LARGE1: variants seen among roughly 807,000 people sequenced by gnomAD.
LARGE1 encodes LARGE xylosyl- and glucuronyltransferase 1, also known as xylosyl- and glucuronyltransferase LARGE1.
LARGE1 carries 43 observed loss-of-function variants against 87.6 expected under a neutral mutation model. The ratio of observed to expected loss-of-function variants is 0.49; its 90% CI spans 0.38 to 0.63. LARGE1 has a LOEUF of 0.63. Ranked by LOEUF, LARGE1 falls within the 30% of genes least tolerant of loss-of-function variation. LARGE1 has a pLI of 0.00. For missense variants in LARGE1, 802 were observed against 1,000.2 expected (o/e 0.80, Z 2.67); for synonymous variants, 434 against 394.6 (o/e 1.10, Z -1.18).
chr22:33,388,386 T>G (rs2065401294), intron 7 of LARGE1, among the ~76,000 whole-genome samples: 2 of 152,222 alleles, frequency 1.3e-5, no homozygotes, highest in Non-Finnish European at 2.9e-5. Context: ...CTACTCCATC[T>G]TCCATTTCTC....
At chr22:33,428,855 G>A (rs1488090117) in intron 7 of LARGE1, among the ~76,000 whole-genome samples, 6 of 149,390 alleles carry the variant, frequency 4.0e-5, no homozygotes, top group African/African-American at 1.2e-4. Flanking sequence ...GCGTGAACCC[G>A]GGAGGCAGAG....
intron 2 of LARGE1, among the ~76,000 whole-genome samples, chr22:33,669,598 T>C (rs2081352466): frequency 6.6e-6 from 1 of 152,174 alleles, no homozygotes; most frequent in Non-Finnish European, 1.5e-5. Flanking sequence ...GAAACAGAAA[T>C]ACCTGCTAGC....
At chr22:33,639,222 G>A (rs1486552944) in intron 3 of LARGE1, among the ~76,000 whole-genome samples, 1 of 152,172 alleles carries the variant, frequency 6.6e-6, no homozygotes, top group Non-Finnish European at 1.5e-5. Context: ...GAGACCACAT[G>A]AGGACCTGAG....
At chr22:33,407,868 G>A (rs969997573) in intron 7 of LARGE1, among the ~76,000 whole-genome samples, 2 of 152,022 alleles carry the variant, frequency 1.3e-5, no homozygotes, top group Non-Finnish European at 2.9e-5. Flanking sequence ...TAAATAATAA[G>A]CAGAGAGACA....
intron 12 of LARGE1, among the ~76,000 whole-genome samples, chr22:33,292,887 T>C (rs1201718832): frequency 6.6e-6 from 1 of 152,304 alleles, no homozygotes; most frequent in East Asian, 1.9e-4. Context: ...TTCCTTATCT[T>C]GATAATAATA....
At chr22:33,382,136 G>A in intron 8 of LARGE1, 92 bp from the exon 9 acceptor site, 1 of 1,544,762 alleles carries the variant, frequency 6.5e-7, no homozygotes, top group Non-Finnish European at 8.8e-7. Context: ...CTGTGATAGG[G>A]CTTCTCTTGA....
chr22:33,856,726 G>A (rs890985235), intron 1 of LARGE1: 2 of 152,280 alleles, frequency 1.3e-5, no homozygotes, highest in East Asian at 1.9e-4. Flanking sequence ...CTTTGAAAAC[G>A]CTACACATCT....
intron 10 of LARGE1, among the ~76,000 whole-genome samples, chr22:33,330,926 G>C (rs79565420): frequency 0.028 from 4,337 of 152,264 alleles, 92 homozygotes; most frequent in Middle Eastern, 0.085. Context: ...GGGGATACTG[G>C]GGATTGTTTG....
intron 10 of LARGE1, among the ~76,000 whole-genome samples, chr22:33,332,046 C>T (rs1312734043): frequency 2.0e-5 from 3 of 152,004 alleles, no homozygotes; most frequent in African/African-American, 4.8e-5. Flanking sequence ...CTGCAAGAGC[C>T]GAGCTTTAAT....
chr22:33,597,838 C>A (rs2079019312), intron 5 of LARGE1, among the ~76,000 whole-genome samples: 1 of 152,094 alleles, frequency 6.6e-6, no homozygotes, highest in Non-Finnish European at 1.5e-5. Context: ...ACATGTAGGG[C>A]CTTGTCTGAA....
intron 1 of LARGE1, among the ~76,000 whole-genome samples, chr22:33,801,110 T>G (rs922008889): frequency 1.1e-4 from 16 of 152,198 alleles, no homozygotes; most frequent in African/African-American, 3.6e-4. Flanking sequence ...CCGCTTTTGC[T>G]TCTTCCTCAT....
chr22:33,631,718 T>A (rs2149097974), intron 3 of LARGE1, among the ~76,000 whole-genome samples: 1 of 152,328 alleles, frequency 6.6e-6, no homozygotes, highest in South Asian at 2.1e-4. Flanking sequence ...ACTAAAATAA[T>A]GATAGTATGA....
intron 2 of LARGE1, among the ~76,000 whole-genome samples, chr22:33,731,479 G>GA (rs1387907336): frequency 6.6e-6 from 1 of 152,166 alleles, no homozygotes; most frequent in African/African-American, 2.4e-5. Context: ...GCTGTAGCAG[G>GA]AAAAAGATGC....
intron 1 of LARGE1, among the ~76,000 whole-genome samples, chr22:33,844,899 T>C (rs910820709): frequency 2.0e-5 from 3 of 151,924 alleles, no homozygotes; most frequent in African/African-American, 7.3e-5. Context: ...GTTGTATTTT[T>C]AATAGAGATG....
chr22:33,730,577 G>A (rs2149477030), intron 2 of LARGE1, among the ~76,000 whole-genome samples: 1 of 152,304 alleles, frequency 6.6e-6, no homozygotes, highest in Non-Finnish European at 1.5e-5. Context: ...AGGGTCAACT[G>A]TAATATGACT....
chr22:33,125,150 G>A, the LARGE1 span, among the ~76,000 whole-genome samples: 2 of 152,168 alleles, frequency 1.3e-5, no homozygotes, highest in African/African-American at 4.8e-5. Flanking sequence ...ATAGGGATGG[G>A]CAGCGAGAGC....
intron 6 of LARGE1, among the ~76,000 whole-genome samples, chr22:33,456,807 C>T (rs1048096815): frequency 6.6e-6 from 1 of 152,158 alleles, no homozygotes; most frequent in Admixed American, 6.5e-5. Context: ...CAGTGCCCTT[C>T]TGTAAATGTA....
At chr22:33,246,885 A>G (rs1602143333) in intron 11 of LARGE1, among the ~76,000 whole-genome samples, 1 of 152,242 alleles carries the variant, frequency 6.6e-6, no homozygotes, top group East Asian at 1.9e-4. Context: ...CCATGAGAAG[A>G]ACAGCACAAA....
intron 9 of LARGE1, among the ~76,000 whole-genome samples, chr22:33,350,975 G>C (rs1033605978): frequency 1.8e-4 from 28 of 152,178 alleles, no homozygotes; most frequent in African/African-American, 6.8e-4. Context: ...TTCAATTTGG[G>C]TTCATGAGTG....
Sources: gnomAD v4.1 joint callset for allele counts (sites outside exome capture counted in the v4.1 genomes callset) on GRCh38, gnomAD v4.1.1 for gene constraint, MANE v1.5 for transcripts, NCBI Gene and HGNC (gene_info 2026-07-23, HGNC 2026-07-21) for gene names.